PHKA1: variants seen among roughly 807,000 people sequenced by gnomAD.
The protein encoded by PHKA1 is phosphorylase b kinase regulatory subunit alpha, skeletal muscle isoform.
In PHKA1, 60 loss-of-function variants were observed where a neutral mutation model predicts 110.2. That is an observed-to-expected ratio of 0.54 (90% CI 0.44 to 0.68). PHKA1 has a LOEUF of 0.68. Ranked by LOEUF, PHKA1 falls within the 30% of genes least tolerant of loss-of-function variation. The pLI is 0.00. For synonymous variants in PHKA1, 316 were observed against 333.6 expected (o/e 0.95, Z 0.58); for missense variants, 801 against 942.5 (o/e 0.85, Z 1.97).
chrX:72,580,801 T>C lies in PHKA1; in HGVS notation c.*201A>G, dbSNP rs2052324518. The C allele has an allele frequency of 2.2e-6, 1 of 456,990 alleles. No individual in the cohort carries two copies. Among genetic ancestry groups the C allele is most frequent in the African/African-American group, 2.4e-5 (1 of 41,438 alleles). 37.7% of individuals were successfully genotyped at this position (456,990 alleles called of 1,213,427 possible). On this transcript the variant is annotated 3_prime_UTR_variant, in exon 32 of 32. Transcript: ENST00000373542. ...ATTATACTCATAAGATTGTCACTGGTTCTGCAAGGTGAGCCTCCAGGTAAG... is the reference window on the plus strand; with the variant it reads ...ATTATACTCATAAGATTGTCACTGGCTCTGCAAGGTGAGCCTCCAGGTAAG...
intron 2 of PHKA1, among the ~76,000 whole-genome samples, 200 bp from the exon 3 acceptor site, chrX:72,705,445 C>T (rs2054269571): frequency 8.9e-6 from 1 of 111,963 alleles, no homozygotes; most frequent in African/African-American, 3.2e-5. Context: ...CTTTATGATT[C>T]CTTCAAGTCA....
chrX:72,591,466 C>T (rs1366462080), intron 29 of PHKA1, among the ~76,000 whole-genome samples: 2 of 110,889 alleles, frequency 1.8e-5, no homozygotes, highest in Non-Finnish European at 3.8e-5. Flanking sequence ...ATGTAAATGA[C>T]GGGTTGATGG....
At chrX:72,687,767 A>C (rs531925731) in intron 4 of PHKA1, among the ~76,000 whole-genome samples, 5 of 111,246 alleles carry the variant, frequency 4.5e-5, no homozygotes, top group Middle Eastern at 4.6e-3. Context: ...TATGTGTTGC[A>C]AGTATTTTTG....
chrX:72,591,479 G>A (rs1556225091), intron 29 of PHKA1, among the ~76,000 whole-genome samples: 1 of 111,136 alleles, frequency 9.0e-6, no homozygotes, highest in African/African-American at 3.3e-5. Flanking sequence ...GTTGATGGGT[G>A]CAGTGGGCCA....
At chrX:72,695,208 C>T (rs1450575326) in intron 4 of PHKA1, among the ~76,000 whole-genome samples, 1 of 111,447 alleles carries the variant, frequency 9.0e-6, no homozygotes, top group African/African-American at 3.3e-5. Context: ...GGTCCCATTA[C>T]TTTTATAAAC....
intron 8 of PHKA1, among the ~76,000 whole-genome samples, chrX:72,659,490 A>G (rs2053535667): frequency 9.2e-6 from 1 of 108,817 alleles, no homozygotes; most frequent in African/African-American, 3.5e-5. Context: ...GGAAACACAT[A>G]TAGGAAGACA....
chrX:72,660,827 CTT>C lies in PHKA1; in HGVS notation c.865-3188_865-3187del, dbSNP rs1256747110. ...ACTGACAGAAGAAAACTATTGTACTCTTTTGTTTTGGTGGAGAAATAATGTCT... is the reference window on the plus strand; with the variant it reads ...ACTGACAGAAGAAAACTATTGTACTCTTGTTTTGGTGGAGAAATAATGTCT... On this transcript the variant is annotated intron_variant, in intron 8 of 31. Coordinates refer to ENST00000373542, the MANE Select transcript of PHKA1 (RefSeq NM_002637.4). 7 of 205,910 alleles carry C rather than the reference CTT, an allele frequency of 3.4e-5. No individual in the cohort carries two copies. In the Admixed American group the frequency reaches 3.6e-4, roughly 11 times the overall value. The allele number at this position is 205,910 out of a possible 1,213,427, so 17.0% of individuals were successfully genotyped here. A position where few individuals can be genotyped will look rare whatever the true frequency, so the allele number is the denominator to read the frequency against.
intron 14 of PHKA1, among the ~76,000 whole-genome samples, chrX:72,644,110 C>T (rs2053330910): frequency 9.0e-6 from 1 of 111,118 alleles, no homozygotes; most frequent in African/African-American, 3.3e-5. Context: ...TTTAAGCACA[C>T]ACTTGGAATA....
chrX:72,585,002 T>C (rs1415432855), intron 29 of PHKA1, among the ~76,000 whole-genome samples: 1 of 105,325 alleles, frequency 9.5e-6, no homozygotes, highest in African/African-American at 3.5e-5. Context: ...ACACGCGGTG[T>C]TTGGTTTTCT....
intron 5 of PHKA1, among the ~76,000 whole-genome samples, chrX:72,680,640 C>A (rs1482172290): frequency 9.2e-6 from 1 of 109,159 alleles, no homozygotes; most frequent in South Asian, 3.7e-4. Flanking sequence ...GTGGTTGGCG[C>A]GCTGCGCTGC....
At chrX:72,707,725 A>C (rs1221934765) in intron 2 of PHKA1, 4 of 110,170 alleles carry the variant, frequency 3.6e-5, no homozygotes, top group African/African-American at 6.6e-5. Flanking sequence ...TAGATAGAGT[A>C]TATGCAAATA....
chrX:72,591,561 T>TA (rs782378353), intron 29 of PHKA1, among the ~76,000 whole-genome samples: 2,129 of 106,827 alleles, frequency 0.02, 24 homozygotes, highest in Admixed American at 0.028. Context: ...AAAGTATAAT[T>TA]AAAAAAAAAG....
At chrX:72,600,110 G>GA (rs1399950530) in intron 28 of PHKA1, among the ~76,000 whole-genome samples, 3 of 110,118 alleles carry the variant, frequency 2.7e-5, no homozygotes, top group Non-Finnish European at 3.8e-5. Context: ...GAGTGATAGG[G>GA]AAAAAATGGC....
chrX:72,637,379 C>T (rs782661421), intron 14 of PHKA1, among the ~76,000 whole-genome samples: 39 of 112,035 alleles, frequency 3.5e-4, no homozygotes, highest in Non-Finnish European at 6.2e-4. Context: ...ATGTCAGAAT[C>T]TCCTTCCTTT....
intron 6 of PHKA1, 64 bp downstream of exon 6, chrX:72,676,006 C>G: frequency 1.2e-6 from 1 of 817,837 alleles, no homozygotes; most frequent in Non-Finnish European, 1.9e-6. Flanking sequence ...TAAGTTTTAT[C>G]TGTGACAAAG....
chrX:72,663,338 C>T (rs782624037), intron 8 of PHKA1, among the ~76,000 whole-genome samples: 118 of 106,962 alleles, frequency 1.1e-3, no homozygotes, highest in Admixed American at 8.3e-3. Context: ...AAAAAAAAAA[C>T]GAATAAAAAA....
At chrX:72,691,103 T>A (rs2054033183) in intron 4 of PHKA1, among the ~76,000 whole-genome samples, 1 of 112,887 alleles carries the variant, frequency 8.9e-6, no homozygotes, top group African/African-American at 3.2e-5. Flanking sequence ...GAGGAAGAAG[T>A]CCAATTTCAT....
At chrX:72,686,512 T>C (rs891386564) in intron 4 of PHKA1, among the ~76,000 whole-genome samples, 2 of 112,443 alleles carry the variant, frequency 1.8e-5, no homozygotes, top group Admixed American at 9.4e-5. Flanking sequence ...CGGTTACTCA[T>C]GTAACCAGTT....
intron 18 of PHKA1, 150 bp downstream of exon 18, chrX:72,622,959 G>A: frequency 9.1e-7 from 1 of 1,104,476 alleles, no homozygotes; most frequent in Non-Finnish European, 1.2e-6. Flanking sequence ...GGTAAGTAGA[G>A]GGAGGAAAAG....
Sources: gnomAD v4.1 joint callset for allele counts (sites outside exome capture counted in the v4.1 genomes callset) on GRCh38, gnomAD v4.1.1 for gene constraint, MANE v1.5 for transcripts, NCBI Gene and HGNC (gene_info 2026-07-23, HGNC 2026-07-21) for gene names.